MARCHF1: variants seen among roughly 807,000 people sequenced by gnomAD.
MARCHF1 encodes the protein membrane associated ring-CH-type finger 1.
In MARCHF1, 40 loss-of-function variants were observed where a neutral mutation model predicts 54.2. The ratio of observed to expected loss-of-function variants is 0.74; its 90% CI spans 0.57 to 0.96. The LOEUF is 0.96. Ranked by LOEUF, MARCHF1 falls within the 40% of genes least tolerant of loss-of-function variation. The pLI, the probability that MARCHF1 is intolerant of heterozygous loss-of-function variation, is 0.00. For synonymous variants in MARCHF1, 236 were observed against 236.3 expected (o/e 1.00, Z 0.01); for missense variants, 586 against 656.5 (o/e 0.89, Z 1.17).
At chr4:164,109,085 A>T (rs551122042) in intron 2 of MARCHF1, among the ~76,000 whole-genome samples, 20 of 152,194 alleles carry the variant, frequency 1.3e-4, no homozygotes, top group African/African-American at 4.8e-4. Context: ...GTTGAGCGTG[A>T]GATGCTTTGT....
intron 5 of MARCHF1, among the ~76,000 whole-genome samples, chr4:163,664,921 TTAATA>T (rs559246291): frequency 1.4e-4 from 21 of 152,106 alleles, no homozygotes; most frequent in African/African-American, 4.3e-4. Context: ...ATTAGAAAAA[TTAATA>T]TAATAAAAAT....
intron 1 of MARCHF1, among the ~76,000 whole-genome samples, chr4:164,204,242 A>C (rs1731545263): frequency 6.6e-6 from 1 of 152,210 alleles, no homozygotes; most frequent in Non-Finnish European, 1.5e-5. Context: ...AAAACAACAA[A>C]CTGATAGTTC....
intron 1 of MARCHF1, among the ~76,000 whole-genome samples, chr4:164,121,040 T>G (rs2110773467): frequency 6.6e-6 from 1 of 152,058 alleles, no homozygotes; most frequent in Middle Eastern, 3.4e-3. Flanking sequence ...AAACAAAAAG[T>G]TGTTTTTTTG....
chr4:164,310,912 T>A (rs1249331518), intron 1 of MARCHF1, among the ~76,000 whole-genome samples: 1 of 152,142 alleles, frequency 6.6e-6, no homozygotes, highest in Non-Finnish European at 1.5e-5. Context: ...GGGTCAATAT[T>A]AAAAACTGAA....
chr4:163,575,457 A>C (rs1428621611), intron 8 of MARCHF1, among the ~76,000 whole-genome samples: 1 of 151,946 alleles, frequency 6.6e-6, no homozygotes, highest in African/African-American at 2.4e-5. Flanking sequence ...TTAGTTTGCT[A>C]ATTTTTTTGA....
intron 5 of MARCHF1, among the ~76,000 whole-genome samples, chr4:163,691,330 T>C (rs1744449822): frequency 6.6e-6 from 1 of 152,210 alleles, no homozygotes. Context: ...GTAGGTCAGA[T>C]ACTGAGACTT....
chr4:164,139,063 T>C (rs1431475889), intron 1 of MARCHF1, among the ~76,000 whole-genome samples: 2 of 152,214 alleles, frequency 1.3e-5, no homozygotes, highest in African/African-American at 4.8e-5. Flanking sequence ...TTTGGTCTAG[T>C]ACATGAAACA....
intron 5 of MARCHF1, among the ~76,000 whole-genome samples, chr4:163,627,548 G>A (rs1345572712): frequency 1.3e-5 from 2 of 152,112 alleles, no homozygotes; most frequent in African/African-American, 4.8e-5. Flanking sequence ...GGTAAAGAAA[G>A]ATTTTAGAAA....
chr4:164,108,362 T>A (rs1169032018), intron 2 of MARCHF1, among the ~76,000 whole-genome samples: 2 of 152,172 alleles, frequency 1.3e-5, no homozygotes, highest in Admixed American at 1.3e-4. Context: ...TATTTTGTGT[T>A]CAAAATTTAA....
At chr4:163,880,907 C>T (rs544151316) in intron 3 of MARCHF1, among the ~76,000 whole-genome samples, 2 of 152,230 alleles carry the variant, frequency 1.3e-5, no homozygotes, top group South Asian at 4.1e-4. Flanking sequence ...ACTCCTGCCT[C>T]AGGGATTGCG....
chr4:163,970,854 T>G (rs2110838012), intron 3 of MARCHF1, among the ~76,000 whole-genome samples: 1 of 152,324 alleles, frequency 6.6e-6, no homozygotes, highest in South Asian at 2.1e-4. Flanking sequence ...AAACAGATTT[T>G]TATGAAAATA....
intron 1 of MARCHF1, among the ~76,000 whole-genome samples, chr4:164,270,516 A>G (rs1733719744): frequency 6.6e-6 from 1 of 152,204 alleles, no homozygotes; most frequent in South Asian, 2.1e-4. Flanking sequence ...TTCTTAAAGC[A>G]TGTTACATAC....
chr4:164,193,155 A>G (rs906209261), intron 1 of MARCHF1, among the ~76,000 whole-genome samples: 2 of 152,076 alleles, frequency 1.3e-5, no homozygotes, highest in Non-Finnish European at 2.9e-5. Flanking sequence ...TCCAATTTTC[A>G]CACTAAATGA....
chr4:163,545,763 A>T lies in MARCHF1; in HGVS notation c.1192-20T>A. On this transcript the variant is annotated intron_variant, in intron 8 of 9. Transcript: ENST00000514618. ...CTCCCACTGCAATCAGAAATGAAGG[A>T]CACAAAACTGAATTGCAAACTAGGA... The T allele has an allele frequency of 6.2e-7, 1 of 1,609,998 alleles. No individual in the cohort carries two copies. The highest frequency in any genetic ancestry group is 1.7e-5 in the Admixed American group (1 of 58,746).
chr4:164,145,374 G>C (rs1729652400), intron 1 of MARCHF1, among the ~76,000 whole-genome samples: 1 of 151,906 alleles, frequency 6.6e-6, no homozygotes, highest in Non-Finnish European at 1.5e-5. Context: ...AACCAAAAAA[G>C]AGAATTTTAG....
chr4:164,332,328 T>C (rs1288166548), intron 1 of MARCHF1, among the ~76,000 whole-genome samples: 2 of 152,222 alleles, frequency 1.3e-5, no homozygotes, highest in South Asian at 2.1e-4. Flanking sequence ...TGGTTGCTTT[T>C]ACAAAAATGA....
chr4:164,117,268 A>T lies in MARCHF1; in HGVS notation c.-322-5606T>A, dbSNP rs936759563. On this transcript the variant is annotated intron_variant, in intron 1 of 9. Transcript: ENST00000514618. ...GTGATATGCAGTCTCAAAAAAATAA[A>T]AAATAAATAAATAAATAAACAATAG... Among the ~76,000 whole-genome samples, 13 of 152,028 alleles carry T rather than the reference A, an allele frequency of 8.6e-5. 1 individual carries two copies. Among genetic ancestry groups the T allele is most frequent in the African/African-American group, 2.2e-4 (9 of 41,336 alleles).
At chr4:163,802,494 A>G (rs2110977699) in intron 4 of MARCHF1, among the ~76,000 whole-genome samples, 1 of 152,282 alleles carries the variant, frequency 6.6e-6, no homozygotes, top group South Asian at 2.1e-4. Flanking sequence ...CTGTTTGTGT[A>G]TTTTTAGAAA....
chr4:163,685,183 C>T lies in MARCHF1; in HGVS notation c.162+15630G>A, dbSNP rs566404775. Among the ~76,000 whole-genome samples the T allele has an allele frequency of 2.6e-4, 40 of 151,642 alleles. 1 individual carries two copies. The highest frequency in any genetic ancestry group is 1.3e-3 in the Admixed American group (20 of 15,254). On this transcript the variant is annotated intron_variant, in intron 5 of 9. Coordinates refer to ENST00000514618, the MANE Select transcript of MARCHF1 (RefSeq NM_001394959.1). Reference sequence around the variant, plus strand: ...AATCGTTTTATTACAACATTTCTGACAAAAAATATCTGGTTTTATTACACT... The same window carrying T: ...AATCGTTTTATTACAACATTTCTGATAAAAAATATCTGGTTTTATTACACT...
Sources: allele counts gnomAD v4.1 joint callset (sites outside exome capture counted in the v4.1 genomes callset), GRCh38; gene constraint gnomAD v4.1.1; transcripts MANE v1.5; gene names NCBI Gene and HGNC (gene_info 2026-07-23, HGNC 2026-07-21).